The following DNAH8 variants were observed in gnomAD, a reference collection of about 807,000 sequenced individuals.
The protein encoded by DNAH8 is dynein axonemal heavy chain 8.
In DNAH8, 382 loss-of-function variants were observed where a neutral mutation model predicts 562.1. The observed-to-expected ratio is 0.68, with a 90% confidence interval of 0.63 to 0.74. The LOEUF is 0.74. Ranked by LOEUF, DNAH8 falls within the 30% of genes least tolerant of loss-of-function variation. The pLI is 0.00. For missense variants in DNAH8, 5,203 were observed against 5,620.4 expected (o/e 0.93, Z 2.37); for synonymous variants, 1,881 against 1,919.4 (o/e 0.98, Z 0.52).
At chr6:38,746,276 C>T (rs1386708784) in intron 8 of DNAH8, among the ~76,000 whole-genome samples, 1 of 151,900 alleles carries the variant, frequency 6.6e-6, no homozygotes, top group Admixed American at 6.6e-5. Context: ...CAAATTGTTT[C>T]CTCTTTGGCC....
chr6:38,854,468 A>G (rs1776023527), intron 41 of DNAH8, among the ~76,000 whole-genome samples: 1 of 152,212 alleles, frequency 6.6e-6, no homozygotes, highest in African/African-American at 2.4e-5. Flanking sequence ...AGCTGAAATG[A>G]TGTATCATTT....
At chr6:38,717,219 A>G (rs532041310) in intron 1 of DNAH8, among the ~76,000 whole-genome samples, 18 of 152,262 alleles carry the variant, frequency 1.2e-4, no homozygotes, top group South Asian at 4.1e-4. Flanking sequence ...TGAAGGAGAG[A>G]AGGACCCAGA....
At chr6:38,943,132 C>T (rs544261120) in intron 79 of DNAH8, among the ~76,000 whole-genome samples, 3 of 152,190 alleles carry the variant, frequency 2.0e-5, no homozygotes, top group South Asian at 2.1e-4. Context: ...AGGGAGCCAT[C>T]GAATGTTTTA....
At chr6:38,849,558 A>G (rs1390330908) in intron 37 of DNAH8, among the ~76,000 whole-genome samples, 2 of 148,068 alleles carry the variant, frequency 1.4e-5, no homozygotes, top group Non-Finnish European at 3.0e-5. Context: ...AGGATAAAAG[A>G]GGTTTTTTTT....
At chr6:38,908,154 A>C in intron 64 of DNAH8, 34 bp downstream of exon 64, 1 of 1,343,978 alleles carries the variant, frequency 7.4e-7, no homozygotes, top group Middle Eastern at 2.1e-4. Flanking sequence ...TCTACGTAGA[A>C]AGAGTTCCTT....
At chr6:38,737,315 T>A in intron 6 of DNAH8, 59 bp downstream of exon 6, 1 of 1,053,000 alleles carries the variant, frequency 9.5e-7, no homozygotes, top group Non-Finnish European at 1.3e-6. Context: ...AACTAAGATA[T>A]TTCATAAACA....
chr6:38,746,943 AAAG>A (rs1282065008), intron 8 of DNAH8, among the ~76,000 whole-genome samples: 3 of 151,990 alleles, frequency 2.0e-5, no homozygotes, highest in South Asian at 2.1e-4. Context: ...AAAGAAAAAA[AAAG>A]AAGAATAAAT....
intron 70 of DNAH8, among the ~76,000 whole-genome samples, chr6:38,918,976 A>G (rs1781499423): frequency 2.0e-5 from 3 of 152,170 alleles, no homozygotes; most frequent in Non-Finnish European, 4.4e-5. Context: ...AGAAAAATAG[A>G]AAGTCAATTT....
At chr6:38,911,626 G>C (rs200858148) in intron 66 of DNAH8, 40 bp downstream of exon 66, 2 of 1,334,820 alleles carry the variant, frequency 1.5e-6, no homozygotes, top group East Asian at 2.3e-5. Flanking sequence ...ATAGAAATAG[G>C]GTTTATTTGA....
intron 43 of DNAH8, among the ~76,000 whole-genome samples, chr6:38,860,849 G>A (rs1563023781): frequency 6.6e-6 from 1 of 152,184 alleles, no homozygotes; most frequent in Non-Finnish European, 1.5e-5. Context: ...AAGCTTGAAT[G>A]TTGACTGTGA....
In DNAH8 at chr6:38,839,761, C is replaced by G. The variant is rs147249255; in HGVS notation, c.4466+1719C>G. Among the ~76,000 whole-genome samples, 190 of 152,100 alleles carry G rather than the reference C, an allele frequency of 1.2e-3. 1 individual carries two copies. The highest frequency in any genetic ancestry group is 4.3e-3 in the African/African-American group (177 of 41,484). ...CACAGCAACCTCCACCTGCTGGGTT[C>G]AAGTGATTCGCCTGCCTCGGCCTCC... On this transcript the variant is annotated intron_variant, in intron 33 of 92. Transcript: ENST00000327475.
At chr6:38,873,727 T>TATAC (rs1554123934) in intron 52 of DNAH8, among the ~76,000 whole-genome samples, 1 of 96,420 alleles carries the variant, frequency 1.0e-5, no homozygotes, top group Non-Finnish European at 2.3e-5. Context: ...CACATACACC[T>TATAC]ACACACACAC....
chr6:38,810,882 T>G (rs1562866673), intron 24 of DNAH8, among the ~76,000 whole-genome samples: 4 of 152,186 alleles, frequency 2.6e-5, no homozygotes, highest in South Asian at 2.1e-4. Flanking sequence ...TTTGTAAGTC[T>G]GAAAATGTTT....
In DNAH8 at chr6:38,715,411, G is replaced by C. The variant is rs1259595448; in HGVS notation, c.-39G>C. 1 of 152,364 alleles carries C rather than the reference G, an allele frequency of 6.6e-6. No individual in the cohort carries two copies. Among genetic ancestry groups the C allele is most frequent in the Non-Finnish European group, 1.5e-5 (1 of 68,152 alleles). 9.4% of individuals were successfully genotyped at this position (152,364 alleles called of 1,614,324 possible). On this transcript the variant is annotated 5_prime_UTR_variant, in exon 1 of 93. Coordinates refer to ENST00000327475, the MANE Select transcript of DNAH8 (RefSeq NM_001206927.2). ...GTCGGGGCATCGGGGCCCAGAGAGC[G>C]GCTGGTGAGTACTTGGTCGGAGCGC...
intron 82 of DNAH8, among the ~76,000 whole-genome samples, chr6:38,954,367 C>T (rs1762113264): frequency 1.3e-5 from 2 of 152,146 alleles, no homozygotes; most frequent in African/African-American, 4.8e-5. Flanking sequence ...ACAGATGAAA[C>T]ATTTTAACAT....
intron 87 of DNAH8, among the ~76,000 whole-genome samples, chr6:38,987,522 T>G (rs1427373084): frequency 6.6e-6 from 1 of 152,180 alleles, no homozygotes; most frequent in Non-Finnish European, 1.5e-5. Flanking sequence ...CCTGAGTTAT[T>G]TTACTCCCTT....
In DNAH8 at chr6:38,894,683, A is replaced by G. The variant is rs755504939; in HGVS notation, c.8584-18A>G. On this transcript the variant is annotated intron_variant, in intron 58 of 92. Transcript: ENST00000327475. ...TATCTGAAAACTAACTGAGAGTATT[A>G]CATTTTTTCATCTCTAGGTGAAGAT... is the stretch of plus-strand genomic sequence containing the variant. 2.1e-5 allele frequency: 33 copies of G among 1,602,068 alleles called. No individual in the cohort carries two copies. The African/African-American group carries it at 3.2e-4, about 16-fold the overall frequency.
intron 54 of DNAH8, 118 bp from the exon 55 acceptor site, chr6:38,883,204 T>C: frequency 1.5e-6 from 2 of 1,359,766 alleles, no homozygotes; most frequent in Non-Finnish European, 2.0e-6. Context: ...GATGCAATTC[T>C]AAAAAGTTAT....
At chr6:38,740,562 G>A (rs1242683899) in intron 7 of DNAH8, among the ~76,000 whole-genome samples, 3 of 152,040 alleles carry the variant, frequency 2.0e-5, no homozygotes, top group African/African-American at 4.8e-5. Flanking sequence ...CAACTTTACT[G>A]AATTGCTCAC....
Sources: allele counts gnomAD v4.1 joint callset (sites outside exome capture counted in the v4.1 genomes callset), GRCh38; gene constraint gnomAD v4.1.1; transcripts MANE v1.5; gene names NCBI Gene and HGNC (gene_info 2026-07-23, HGNC 2026-07-21).